Variants in IRS2 observed in about 807,000 individuals in gnomAD.
The protein encoded by IRS2 is insulin receptor substrate 2.
IRS2 carries 28 observed loss-of-function variants against 70.9 expected under a neutral mutation model. The ratio of observed to expected loss-of-function variants is 0.39; its 90% CI spans 0.29 to 0.54. The LOEUF is 0.54. Among genes scored for constraint, IRS2 ranks in the 20% least tolerant of loss-of-function variants. IRS2 has a pLI of 0.59. For missense variants in IRS2, 2,081 were observed against 2,024.1 expected (o/e 1.03, Z -0.54); for synonymous variants, 1,217 against 981.9 (o/e 1.24, Z -4.48).
chr13:109,768,718 T>G (rs1877389242), intron 1 of IRS2, among the ~76,000 whole-genome samples: 1 of 152,166 alleles, frequency 6.6e-6, no homozygotes, highest in African/African-American at 2.4e-5. Flanking sequence ...CCTTGTCTTT[T>G]TTTTTTTAAA....
chr13:109,773,709 T>A (rs1643956335), intron 1 of IRS2, among the ~76,000 whole-genome samples: 1 of 152,252 alleles, frequency 6.6e-6, no homozygotes. Flanking sequence ...ACGCGTTTCT[T>A]CATTAAGGAA....
rs1025492234 is a variant in IRS2 at position 109,784,163 on chromosome 13, C to T, written c.1891G>A (p.Asp631Asn). ...PKVAYHPYPE[D>N]YGDIEIGSHR... is the part of the protein sequence containing the mutation. ...GAGCCGATCTCGATGTCTCCGTAGT[C>T]CTCTGGGTAGGGGTGGTAGGCCACC... Residue 631 changes from aspartate (D) to asparagine (N), a missense_variant, in exon 1 of 2, where the codon GAC becomes AAC. By Grantham distance (23) the Asp-to-Asn change is conservative. This residue lies in a region of IRS2 where 1,615 missense variants were observed against 1,459.5 expected (regional missense o/e 1.11). Coordinates refer to ENST00000375856, the MANE Select transcript of IRS2 (RefSeq NM_003749.3). This position sits in a 1 kb window ranked among gnomAD's most constrained non-coding sequence, Gnocchi z 5.2. 1.9e-6 allele frequency: 3 copies of T among 1,588,214 alleles called. No individual in the cohort carries two copies. Among genetic ancestry groups the T allele is most frequent in the South Asian group, 1.1e-5 (1 of 89,282 alleles).
rs767956465 is a variant in IRS2, at chr13:109,785,741, C to A, written c.313G>T (p.Ala105Ser). 2.5e-6 allele frequency: 4 copies of A among 1,597,302 alleles called. No homozygotes were observed. ...ATCAGGTACTTGTGCTTGGCGTCGG[C>A]GCGCTTGTTGATGTTCAGGCAGCAG... ...LDCCLNINKR[A>S]DAKHKYLIAL... is the part of the protein sequence containing the mutation. The change falls in exon 1 of 2, where the codon GCC becomes TCC. Residue 105 changes from alanine (A) to serine (S), a missense_variant. Physicochemically the swap from Ala to Ser is moderately conservative, Grantham distance 99. Transcript: ENST00000375856. This position sits in a 1 kb window ranked among gnomAD's most constrained non-coding sequence, Gnocchi z 9.3.
intron 1 of IRS2, among the ~76,000 whole-genome samples, chr13:109,765,760 G>A (rs1481096317): frequency 2.0e-5 from 1 of 49,496 alleles, no homozygotes; most frequent in Non-Finnish European, 5.6e-5. Flanking sequence ...CAAGCATGTA[G>A]ATATCCCAGC....
At position 109,778,065 on chromosome 13, in the gene IRS2, T is replaced by C. The variant is rs147096013; in HGVS notation, c.4012+3977A>G. 5.3e-5 allele frequency among the ~76,000 whole-genome samples: 8 copies of C among 152,358 alleles called. No homozygotes were observed. The East Asian group carries it at 1.5e-3, about 29-fold the overall frequency. ...AAAGTGTCTTTCCTGTATACATTCA[T>C]GGTTTCAAAGCAATAAGTATCAACA... On this transcript the variant is annotated intron_variant, in intron 1 of 1. Transcript: ENST00000375856.
Position 109,785,425 on chromosome 13 carries a change from C to T in IRS2, c.629G>A (p.Ser210Asn), listed in dbSNP as rs1350209242. ...ACGGTACACCCCCGTCAGGTTCTTGCTCTGGCCCAGACCCTTGGGCTTCAG... is the reference window on the plus strand; with the variant it reads ...ACGGTACACCCCCGTCAGGTTCTTGTTCTGGCCCAGACCCTTGGGCTTCAG... The part of the protein sequence containing the change: ...VNLKPKGLGQ[S>N]KNLTGVYRLC... The change falls in exon 1 of 2, where the codon AGC becomes AAC. Residue 210 changes from serine to asparagine, a missense_variant. By Grantham distance (46) the Ser-to-Asn change is conservative (BLOSUM62 1). Coordinates refer to ENST00000375856, the MANE Select transcript of IRS2 (RefSeq NM_003749.3). This position sits in a 1 kb window ranked among gnomAD's most constrained non-coding sequence, Gnocchi z 9.3. 1 of 1,612,334 alleles carries T rather than the reference C, an allele frequency of 6.2e-7. No individual in the cohort carries two copies. The highest frequency in any genetic ancestry group is 1.7e-5 in the Admixed American group (1 of 60,002).
In IRS2 at chr13:109,754,235, C is replaced by T. The variant is rs577795007; in HGVS notation, c.*2069G>A. On this transcript the variant is annotated 3_prime_UTR_variant, in exon 2 of 2. Coordinates refer to ENST00000375856, the MANE Select transcript of IRS2 (RefSeq NM_003749.3). ...ATACATTTTGGTTCCATTCTGTAAA[C>T]TAAATTAAAAATGTAAATATTGCAT... 4.3e-6 allele frequency: 1 copy of T among 230,794 alleles called. No homozygotes were observed. Among genetic ancestry groups the T allele is most frequent in the East Asian group, 6.2e-5 (1 of 16,056 alleles). The allele number at this position is 230,794 out of a possible 1,614,324, so 14.3% of individuals were successfully genotyped here. A position where few individuals can be genotyped will look rare whatever the true frequency, so the allele number is the denominator to read the frequency against.
At position 109,785,628 on chromosome 13, in the gene IRS2, C is replaced by T; in HGVS notation, c.426G>A (p.Leu142=). The change falls in exon 1 of 2, where the codon CTG becomes CTA. Residue 142 remains leucine, a synonymous_variant. Transcript: ENST00000375856. The surrounding 1 kb of genome is among the most constrained non-coding windows in gnomAD (Gnocchi z 9.3). ...QEGWYRALTD[L]VSEGRAAAGD... is the part of the protein sequence containing the mutation. Reference sequence around the variant, plus strand: ...CGGCGGCCGCGCGGCCCTCGCTGACCAGGTCGGTGAGCGCGCGGTACCAGC... The same window carrying T: ...CGGCGGCCGCGCGGCCCTCGCTGACTAGGTCGGTGAGCGCGCGGTACCAGC... 1.3e-6 allele frequency: 2 copies of T among 1,519,868 alleles called. No individual in the cohort carries two copies. Among genetic ancestry groups the T allele is most frequent in the East Asian group, 5.2e-5 (2 of 38,434 alleles). The allele number at this position is 1,519,868 out of a possible 1,614,324, so 94.1% of individuals were successfully genotyped here.
rs964643162 is a variant in IRS2 at position 109,785,010 on chromosome 13, G to A, written c.1044C>T (p.Ala348=). The change falls in exon 1 of 2, where the codon GCC becomes GCT. Residue 348 remains alanine, a synonymous_variant. Transcript: ENST00000375856. The surrounding 1 kb of genome is among the most constrained non-coding windows in gnomAD (Gnocchi z 9.3). ...LVRRSRTDSL[A]ATPPAAKCSS... Reference sequence around the variant, plus strand: ...TGCACTTGGCCGCCGGCGGGGTGGCGGCCAGGCTGTCGGTGCGCGAGCGGC... The same window carrying A: ...TGCACTTGGCCGCCGGCGGGGTGGCAGCCAGGCTGTCGGTGCGCGAGCGGC... The A allele has an allele frequency of 7.7e-6, 11 of 1,433,800 alleles. No homozygotes were observed. Among genetic ancestry groups the A allele is most frequent in the African/African-American group, 1.5e-5 (1 of 67,286 alleles). The allele number at this position is 1,433,800 out of a possible 1,614,324, so 88.8% of individuals were successfully genotyped here. A position where few individuals can be genotyped will look rare whatever the true frequency, so the allele number is the denominator to read the frequency against.
At position 109,755,243 on chromosome 13, in the gene IRS2, T is replaced by C. The variant is rs1392196213; in HGVS notation, c.*1061A>G. 2 of 221,042 alleles carry C rather than the reference T, an allele frequency of 9.0e-6. No homozygotes were observed. The highest frequency in any genetic ancestry group is 1.2e-4 in the Admixed American group (2 of 16,796). The allele number at this position is 221,042 out of a possible 1,614,324, so 13.7% of individuals were successfully genotyped here. Reference sequence around the variant, plus strand: ...TTTTTTTTTCTTTTTGTTTTTTTTGTTCAGGGCAGCCTCACTGGTTGACAT... The same window carrying C: ...TTTTTTTTTCTTTTTGTTTTTTTTGCTCAGGGCAGCCTCACTGGTTGACAT... On this transcript the variant is annotated 3_prime_UTR_variant, in exon 2 of 2. Transcript: ENST00000375856.
At chr13:109,778,158 C>G (rs970202340) in intron 1 of IRS2, among the ~76,000 whole-genome samples, 1 of 152,148 alleles carries the variant, frequency 6.6e-6, no homozygotes, top group Non-Finnish European at 1.5e-5. Context: ...CCTCATTTAC[C>G]TTCCAGCGGC....
rs138549709 is a variant in IRS2, at chr13:109,782,351, C to T, written c.3703G>A (p.Gly1235Ser). The T allele has an allele frequency of 3.1e-6, 5 of 1,611,754 alleles. No homozygotes were observed. Among genetic ancestry groups the T allele is most frequent in the Non-Finnish European group, 3.4e-6 (4 of 1,179,436 alleles). ...PGGLVGCPGS[G>S]GSPMRRETSA... Reference sequence around the variant, plus strand: ...GTCTCTCTGCGCATGGGCGATCCACCGCTCCCAGGACAACCGACCAAGCCC... The same window carrying T: ...GTCTCTCTGCGCATGGGCGATCCACTGCTCCCAGGACAACCGACCAAGCCC... Residue 1235 changes from glycine to serine, a missense_variant, in exon 1 of 2, where the codon GGT becomes AGT. Gly to Ser is a moderately conservative substitution (Grantham distance 56, BLOSUM62 0). Around this residue, in one of 4 missense-constraint regions of IRS2, gnomAD observed 1,615 missense variants for 1,459.5 expected, o/e 1.11. Transcript: ENST00000375856.
intron 1 of IRS2, among the ~76,000 whole-genome samples, chr13:109,781,644 C>T (rs1398605740): frequency 6.6e-6 from 1 of 152,160 alleles, no homozygotes; most frequent in African/African-American, 2.4e-5. Context: ...GGCAGCGGTC[C>T]GGACCCGAGG....
intron 1 of IRS2, among the ~76,000 whole-genome samples, chr13:109,779,184 C>A (rs1228111352): frequency 6.6e-6 from 1 of 152,208 alleles, no homozygotes; most frequent in Non-Finnish European, 1.5e-5. Context: ...ATGGCTGGAA[C>A]CTTACCTCTC....
At position 109,778,581 on chromosome 13, in the gene IRS2, A is replaced by T. The variant is rs190512190; in HGVS notation, c.4012+3461T>A. Among the ~76,000 whole-genome samples, 486 of 152,352 alleles carry T rather than the reference A, an allele frequency of 3.2e-3. 4 individuals carry two copies. The highest frequency in any genetic ancestry group is 0.011 in the African/African-American group (473 of 41,578). ...TGTGGTTTGTCAATCACCTCACTGG[A>T]TTTCTGAATTTAGGAAAATTCTCTG... On this transcript the variant is annotated intron_variant, in intron 1 of 1. Transcript: ENST00000375856.
chr13:109,760,803 A>T (rs1044025732), intron 1 of IRS2, among the ~76,000 whole-genome samples: 2 of 152,230 alleles, frequency 1.3e-5, no homozygotes, highest in African/African-American at 4.8e-5. Flanking sequence ...AAATCACTAG[A>T]AAACATTGTG....
chr13:109,781,821 A>G (rs906491993), intron 1 of IRS2, among the ~76,000 whole-genome samples: 2 of 152,212 alleles, frequency 1.3e-5, no homozygotes, highest in Non-Finnish European at 2.9e-5. Context: ...TCTCCCTCCC[A>G]CGCGGAAAAC....
intron 1 of IRS2, among the ~76,000 whole-genome samples, chr13:109,773,095 A>G (rs954688838): frequency 6.6e-6 from 1 of 152,204 alleles, no homozygotes; most frequent in Non-Finnish European, 1.5e-5. Context: ...CCACGTCATT[A>G]GAATAATGGC....
In IRS2 at chr13:109,785,479, G is replaced by A. The variant is rs750922693; in HGVS notation, c.575C>T (p.Ala192Val). 3 of 1,611,714 alleles carry A rather than the reference G, an allele frequency of 1.9e-6. 1 individual carries two copies. The highest frequency in any genetic ancestry group is 2.2e-5 in the South Asian group (2 of 91,074). Reference sequence around the variant, plus strand: ...CACCTGCCACACCTCACGGTAGGCGGCCGTGGCGGGAGCCACCAGCCCGTA... The same window carrying A: ...CACCTGCCACACCTCACGGTAGGCGACCGTGGCGGGAGCCACCAGCCCGTA... ...DSYGLVAPAT[A>V]AYREVWQVNL... Residue 192 changes from alanine (A) to valine (V), a missense_variant, in exon 1 of 2, where the codon GCC (alanine) becomes GTC (valine). Transcript: ENST00000375856. The surrounding 1 kb of genome is among the most constrained non-coding windows in gnomAD (Gnocchi z 9.3).
Sources: allele counts gnomAD v4.1 joint callset (sites outside exome capture counted in the v4.1 genomes callset), GRCh38; gene constraint gnomAD v4.1.1; regional missense constraint gnomAD v4.1.1; non-coding constraint Gnocchi (gnomAD v3.1); transcripts MANE v1.5; gene names NCBI Gene and HGNC (gene_info 2026-07-23, HGNC 2026-07-21).